DHX36: variants seen among roughly 807,000 people sequenced by gnomAD.
DHX36 encodes the protein ATP-dependent DNA/RNA helicase DHX36.
Under a neutral mutation model 139.0 loss-of-function variants are expected in DHX36, and 50 were observed. That is an observed-to-expected ratio of 0.36 (90% CI 0.29 to 0.46). DHX36 has a LOEUF of 0.46. Ranked by LOEUF, DHX36 falls within the 20% of genes least tolerant of loss-of-function variation. The pLI is 1.00. For missense variants in DHX36, 1,024 were observed against 1,211.3 expected (o/e 0.85, Z 2.29); for synonymous variants, 425 against 401.9 (o/e 1.06, Z -0.69).
chr3:154,297,578 A>T (rs1283377063), intron 12 of DHX36, among the ~76,000 whole-genome samples: 1 of 151,956 alleles, frequency 6.6e-6, no homozygotes, highest in Non-Finnish European at 1.5e-5. Flanking sequence ...AGGTGTGGTG[A>T]TGGGTGCCTA....
Position 154,305,149 on chromosome 3 carries a change from C to T in DHX36, c.913G>A (p.Gly305Ser), listed in dbSNP as rs1207652992. The change falls in exon 7 of 25, where the codon GGT becomes AGT. Residue 305 changes from glycine to serine, a missense_variant. Coordinates refer to ENST00000496811, the MANE Select transcript of DHX36 (RefSeq NM_020865.3). Reference sequence around the variant, plus strand: ...CCTGTTGTACAGTATAAGATAGAACCCTGTTTCCTTGGCAACCGACTGTGA... The same window carrying T: ...CCTGTTGTACAGTATAAGATAGAACTCTGTTTCCTTGGCAACCGACTGTGA... Reference protein sequence around the residue: ...RLQSRLPRKQGSILYCTTGII... With the variant: ...RLQSRLPRKQSSILYCTTGII... The T allele has an allele frequency of 6.2e-7, 1 of 1,612,668 alleles. No individual in the cohort carries two copies.
Position 154,319,181 on chromosome 3 carries a change from CCTGGAG to C in DHX36, c.244-3024_244-3019del, listed in dbSNP as rs1241667727. 2.0e-5 allele frequency: 3 copies of C among 152,104 alleles called. No homozygotes were observed. In the South Asian group the frequency reaches 6.2e-4, roughly 32 times the overall value. The allele number at this position is 152,104 out of a possible 1,614,324, so 9.4% of individuals were successfully genotyped here. A position where few individuals can be genotyped will look rare whatever the true frequency, so the allele number is the denominator to read the frequency against. On this transcript the variant is annotated intron_variant, in intron 1 of 24. Transcript: ENST00000496811. ...ACGCTTCACTTTATTTCACTCCTTG[CCTGGAG>C]AATCTCAAAACACATTTTTTTCATG...
Position 154,284,568 on chromosome 3 carries a change from ATTT to A in DHX36, c.2292+12_2292+14del. On this transcript the variant is annotated intron_variant, in intron 19 of 24. Transcript: ENST00000496811. ...ATAAACTATCATAATCCAGGACAAA[ATTT>A]TTTTTTTTTACCTCAAACGCATTCA... 1.5e-6 allele frequency: 2 copies of A among 1,325,934 alleles called. No individual in the cohort carries two copies. The highest frequency in any genetic ancestry group is 2.1e-6 in the Non-Finnish European group (2 of 971,344). 82.1% of individuals were successfully genotyped at this position (1,325,934 alleles called of 1,614,324 possible).
intron 5 of DHX36, among the ~76,000 whole-genome samples, chr3:154,307,487 T>C (rs1473079170): frequency 6.6e-6 from 1 of 152,072 alleles, no homozygotes; most frequent in African/African-American, 2.4e-5. Flanking sequence ...AAAGAAGATA[T>C]ACAAATGACT....
intron 20 of DHX36, 66 bp from the exon 21 acceptor site, chr3:154,280,928 C>G (rs943987851): frequency 8.6e-7 from 1 of 1,162,548 alleles, no homozygotes; most frequent in Non-Finnish European, 1.3e-6. Flanking sequence ...AAACCATACA[C>G]TAATAGATAA....
At chr3:154,297,738 T>C (rs1458671294) in intron 12 of DHX36, among the ~76,000 whole-genome samples, 2 of 152,048 alleles carry the variant, frequency 1.3e-5, no homozygotes, top group Non-Finnish European at 1.5e-5. Flanking sequence ...TCTAGTTTTT[T>C]TGTATATTTA....
intron 4 of DHX36, among the ~76,000 whole-genome samples, chr3:154,311,149 A>AAAAATAAAGT (rs1712749289): frequency 6.6e-6 from 1 of 151,778 alleles, no homozygotes; most frequent in African/African-American, 2.4e-5. Flanking sequence ...ATGAAAAGTA[A>AAAAATAAAGT]AAAATAAAGT....
intron 3 of DHX36, among the ~76,000 whole-genome samples, chr3:154,312,845 T>A (rs1310209601): frequency 2.1e-4 from 8 of 38,618 alleles, no homozygotes; most frequent in East Asian, 1.3e-3. Flanking sequence ...AAAAAGGAAA[T>A]AATTAAAATA....
At chr3:154,303,473 T>G in intron 8 of DHX36, 63 bp from the exon 9 acceptor site, 1 of 1,190,372 alleles carries the variant, frequency 8.4e-7, no homozygotes, top group South Asian at 1.4e-5. Context: ...ATTAATATAC[T>G]GTAAATAGGA....
intron 1 of DHX36, among the ~76,000 whole-genome samples, chr3:154,319,701 CT>C (rs1713118406): frequency 1.3e-5 from 2 of 152,090 alleles, no homozygotes; most frequent in South Asian, 4.1e-4. Flanking sequence ...TGGTTTGCTT[CT>C]TTTAGTAATG....
chr3:154,286,736 A>G (rs1347134129), intron 17 of DHX36, among the ~76,000 whole-genome samples: 1 of 152,022 alleles, frequency 6.6e-6, no homozygotes, highest in African/African-American at 2.4e-5. Context: ...TCAAAATCAA[A>G]CTCCAAAGAT....
intron 12 of DHX36, among the ~76,000 whole-genome samples, chr3:154,297,787 A>T (rs894417805): frequency 6.6e-6 from 1 of 152,086 alleles, no homozygotes; most frequent in Non-Finnish European, 1.5e-5. Flanking sequence ...TTAGCCAGGG[A>T]TAATAAAAGT....
chr3:154,277,523 T>G (rs1037922430), intron 23 of DHX36, 75 bp downstream of exon 23: 70 of 1,429,268 alleles, frequency 4.9e-5, no homozygotes, highest in Non-Finnish European at 6.1e-5. Flanking sequence ...TGTATATAAT[T>G]GTTAAAACTA....
chr3:154,291,033 G>A (rs1432145418), intron 15 of DHX36, among the ~76,000 whole-genome samples: 1 of 148,204 alleles, frequency 6.7e-6, no homozygotes, highest in Non-Finnish European at 1.5e-5. Flanking sequence ...TACTTGGGAG[G>A]CTGAGGCAGG....
At chr3:154,277,902 G>C in intron 22 of DHX36, 184 bp from the exon 23 acceptor site, 1 of 443,018 alleles carries the variant, frequency 2.3e-6, no homozygotes. Flanking sequence ...TTTGAGGACA[G>C]AGCATAATTT....
chr3:154,294,518 A>T (rs1711952919), intron 13 of DHX36, among the ~76,000 whole-genome samples: 2 of 152,218 alleles, frequency 1.3e-5, no homozygotes, highest in Admixed American at 6.5e-5. Flanking sequence ...GGTGTGGAAG[A>T]TGAATACTTC....
chr3:154,315,310 G>A (rs1712935078), intron 2 of DHX36, 30 bp from the exon 3 acceptor site: 3 of 1,519,320 alleles, frequency 2.0e-6, no homozygotes, highest in East Asian at 2.3e-5. Context: ...AAGGAAGAAA[G>A]GTCAGATGAG....
Position 154,294,529 on chromosome 3 carries a change from C to T in DHX36, c.1606-717G>A, listed in dbSNP as rs1275622617. Among the ~76,000 whole-genome samples the T allele has an allele frequency of 2.6e-5, 4 of 152,290 alleles. No individual in the cohort carries two copies. In the East Asian group the frequency reaches 5.8e-4, roughly 22 times the overall value. On this transcript the variant is annotated intron_variant, in intron 13 of 24. Transcript: ENST00000496811. ...TTATGGTGTGGAAGATGAATACTTC[C>T]ATGCTGGATACTCTTTCAGTCTTTG...
chr3:154,307,643 G>A (rs1276284600), intron 5 of DHX36, among the ~76,000 whole-genome samples: 1 of 152,050 alleles, frequency 6.6e-6, no homozygotes, highest in Non-Finnish European at 1.5e-5. Context: ...ATGGATAAAA[G>A]AGAACTCTTA....
Sources: gnomAD v4.1 joint callset for allele counts (sites outside exome capture counted in the v4.1 genomes callset) on GRCh38, gnomAD v4.1.1 for gene constraint, MANE v1.5 for transcripts, NCBI Gene and HGNC (gene_info 2026-07-23, HGNC 2026-07-21) for gene names.